JAK2: variants seen among roughly 807,000 people sequenced by gnomAD.
JAK2 encodes the protein tyrosine-protein kinase JAK2.
A neutral mutation model predicts 139.3 loss-of-function variants in JAK2; 86 were observed. The observed-to-expected ratio is 0.62, with a 90% CI of 0.52 to 0.74. JAK2 has a LOEUF of 0.74. Among genes scored for constraint, JAK2 ranks in the 30% least tolerant of loss-of-function variants. JAK2 has a pLI of 0.00. For synonymous variants in JAK2, 490 were observed against 437.7 expected, an observed-to-expected ratio of 1.12 and a Z score of -1.49; for missense variants, 1,421 against 1,360.3, an observed-to-expected ratio of 1.04 and a Z score of -0.70.
chr9:5,087,309 G>A (rs1820203175), intron 19 of JAK2, among the ~76,000 whole-genome samples: 1 of 152,184 alleles, frequency 6.6e-6, no homozygotes, highest in African/African-American at 2.4e-5. Flanking sequence ...AATGCCAGAT[G>A]CTTACAAAAC....
At chr9:5,086,441 A>G (rs1350552875) in intron 19 of JAK2, among the ~76,000 whole-genome samples, 1 of 152,306 alleles carries the variant, frequency 6.6e-6, no homozygotes, top group East Asian at 1.9e-4. Flanking sequence ...AATTATCAGC[A>G]TCATTCTCAA....
In JAK2 at chr9:5,045,928, T is replaced by C. The variant is rs557098123; in HGVS notation, c.468+1408T>C. On this transcript the variant is annotated intron_variant, in intron 5 of 24. Coordinates refer to ENST00000381652, the MANE Select transcript of JAK2 (RefSeq NM_004972.4). ...CCAGAAATGGAATCGCTGGATCATA[T>C]GGTAAATTTATAATTTTTTTTGAGG... Among the ~76,000 whole-genome samples the C allele has an allele frequency of 3.3e-5, 5 of 152,326 alleles. No individual in the cohort carries two copies. In the South Asian group the frequency reaches 1.0e-3, roughly 32 times the overall value.
chr9:5,097,644 T>A (rs1821110431), intron 22 of JAK2: 1 of 152,254 alleles, frequency 6.6e-6, no homozygotes, highest in Non-Finnish European at 1.5e-5. Context: ...CTACACTGCG[T>A]GGTGGTAACA....
chr9:5,031,684 A>G, intron 4 of JAK2, among the ~76,000 whole-genome samples: 1 of 152,260 alleles, frequency 6.6e-6, no homozygotes, highest in East Asian at 1.9e-4. Flanking sequence ...TTGCAAAACA[A>G]TAGAAAAAAT....
intron 9 of JAK2, among the ~76,000 whole-genome samples, chr9:5,065,540 CATGTGGCTGTTTAGCATTTGAG>C: frequency 6.6e-6 from 1 of 152,330 alleles, no homozygotes; most frequent in South Asian, 2.1e-4. Flanking sequence ...CCACTAGCTA[CATGTGGCTGTTTAGCATTTGAG>C]ATGTGGCTAA....
At chr9:4,994,989 T>C (rs967405535) in intron 2 of JAK2, among the ~76,000 whole-genome samples, 10 of 151,976 alleles carry the variant, frequency 6.6e-5, no homozygotes, top group Admixed American at 3.3e-4. Context: ...AGAAGAGGAG[T>C]TGCTGATTCA....
chr9:5,116,148 A>T (rs1405597650), intron 22 of JAK2, among the ~76,000 whole-genome samples: 1 of 152,184 alleles, frequency 6.6e-6, no homozygotes, highest in African/African-American at 2.4e-5. Flanking sequence ...CCTCATAACA[A>T]CCCTTGGAGA....
rs1821667638 is a variant in JAK2 at position 5,011,015 on chromosome 9, C to T, written c.-25-10948C>T. 3.3e-5 allele frequency among the ~76,000 whole-genome samples: 5 copies of T among 152,186 alleles called. No homozygotes were observed. In the South Asian group the frequency reaches 8.3e-4, roughly 25 times the overall value. ...CAGTTCTATTTCTTGTCTTGGTTCTCCTGTATGTATGTGACTGCTTTTAAG... is the reference window on the plus strand; with the variant it reads ...CAGTTCTATTTCTTGTCTTGGTTCTTCTGTATGTATGTGACTGCTTTTAAG... On this transcript the variant is annotated intron_variant, in intron 2 of 24. Coordinates refer to ENST00000381652, the MANE Select transcript of JAK2 (RefSeq NM_004972.4).
intron 4 of JAK2, among the ~76,000 whole-genome samples, chr9:5,039,321 CTT>C (rs751610923): frequency 6.6e-6 from 1 of 152,080 alleles, no homozygotes; most frequent in Non-Finnish European, 1.5e-5. Context: ...CATGTACAGA[CTT>C]TTTCTTGTCA....
At chr9:5,036,633 T>C (rs923329890) in intron 4 of JAK2, among the ~76,000 whole-genome samples, 3 of 152,208 alleles carry the variant, frequency 2.0e-5, no homozygotes, top group African/African-American at 7.2e-5. Context: ...ATTTAATAAA[T>C]GGTGCTGGGA....
chr9:5,101,523 C>G (rs1027775635), intron 22 of JAK2, among the ~76,000 whole-genome samples: 1 of 152,246 alleles, frequency 6.6e-6, no homozygotes, highest in Non-Finnish European at 1.5e-5. Context: ...CTGAAGAGAG[C>G]AGTGTTTCTA....
At chr9:5,008,639 A>G (rs941594337) in intron 2 of JAK2, among the ~76,000 whole-genome samples, 1 of 152,236 alleles carries the variant, frequency 6.6e-6, no homozygotes, top group African/African-American at 2.4e-5. Context: ...AGACAGAGAT[A>G]AACTGAACTC....
At chr9:5,011,534 T>C (rs1229256506) in intron 2 of JAK2, among the ~76,000 whole-genome samples, 1 of 152,204 alleles carries the variant, frequency 6.6e-6, no homozygotes, top group Non-Finnish European at 1.5e-5. Context: ...TTCTTTATCT[T>C]CATGCATTAT....
intron 22 of JAK2, 174 bp downstream of exon 22, chr9:5,091,085 G>A (rs909938975): frequency 6.1e-6 from 3 of 491,748 alleles, no homozygotes; most frequent in Non-Finnish European, 1.1e-5. Context: ...TATAGTCCAC[G>A]TGGGAAAATG....
Position 5,129,728 on chromosome 9 carries a change from G to A in JAK2, c.*2937G>A, listed in dbSNP as rs994213308. Among the ~76,000 whole-genome samples the A allele has an allele frequency of 2.6e-5, 4 of 152,150 alleles. No homozygotes were observed. Among genetic ancestry groups the A allele is most frequent in the East Asian group, 1.9e-4 (1 of 5,190 alleles). On this transcript the variant is annotated 3_prime_UTR_variant, in exon 25 of 25. Coordinates refer to ENST00000381652, the MANE Select transcript of JAK2 (RefSeq NM_004972.4). ...ATATCAAGATAACTAGCTGCTAAGC[G>A]TTTCATAATTCTCACAGTGATATTA...
chr9:5,101,770 G>T (rs1421642093), intron 22 of JAK2, among the ~76,000 whole-genome samples: 1 of 152,182 alleles, frequency 6.6e-6, no homozygotes, highest in African/African-American at 2.4e-5. Flanking sequence ...AGTCTGGAGT[G>T]GACCTCCAGC....
rs200841088 is a variant in JAK2 at position 5,048,150 on chromosome 9, C to CT, written c.469-2527dup. Among the ~76,000 whole-genome samples, 525 of 150,772 alleles carry CT rather than the reference C, an allele frequency of 3.5e-3. 1 individual carries two copies. The highest frequency in any genetic ancestry group is 0.017 in the Middle Eastern group (5 of 294). On this transcript the variant is annotated intron_variant, in intron 5 of 24. Coordinates refer to ENST00000381652, the MANE Select transcript of JAK2 (RefSeq NM_004972.4). ...ATCTACCAGTTCTTTTCTTTTCTTT[C>CT]TTTTTTTTTGAGATGGAGTCTCCCA...
intron 5 of JAK2, among the ~76,000 whole-genome samples, chr9:5,047,462 ACTG>A (rs1817089626): frequency 6.6e-6 from 1 of 152,238 alleles, no homozygotes; most frequent in Non-Finnish European, 1.5e-5. Flanking sequence ...AAGCAAATAA[ACTG>A]CTGACATGTG....
At chr9:5,117,134 C>G (rs1233005375) in intron 22 of JAK2, among the ~76,000 whole-genome samples, 1 of 152,262 alleles carries the variant, frequency 6.6e-6, no homozygotes, top group Non-Finnish European at 1.5e-5. Flanking sequence ...AAGCAGAGAG[C>G]AGCCCTCACC....
Sources: allele counts gnomAD v4.1 joint callset (sites outside exome capture counted in the v4.1 genomes callset), GRCh38; gene constraint gnomAD v4.1.1; transcripts MANE v1.5; gene names NCBI Gene and HGNC (gene_info 2026-07-23, HGNC 2026-07-21).